NLGN1: variants seen among roughly 807,000 people sequenced by gnomAD.
NLGN1 encodes neuroligin 1.
A neutral mutation model predicts 65.5 loss-of-function variants in NLGN1; 12 were observed. The observed-to-expected ratio is 0.18, with a 90% confidence interval of 0.12 to 0.30. The LOEUF is 0.30. Ranked by LOEUF, NLGN1 falls within the 10% of genes least tolerant of loss-of-function variation. The probability of loss-of-function intolerance (pLI) is 1.00; values close to 1 mark genes in which losing one functional copy is unlikely to be tolerated. For missense variants in NLGN1, 750 were observed against 1,007.1 expected (o/e 0.74, Z 3.46); for synonymous variants, 350 against 359.5 (o/e 0.97, Z 0.30).
intron 4 of NLGN1, among the ~76,000 whole-genome samples, chr3:173,932,309 G>A (rs1320666070): frequency 6.6e-6 from 1 of 151,984 alleles, no homozygotes; most frequent in Non-Finnish European, 1.5e-5. Context: ...TTTTCCTTAA[G>A]TTGCTTCATA....
intron 4 of NLGN1, among the ~76,000 whole-genome samples, chr3:174,034,085 A>T (rs1348077601): frequency 6.6e-6 from 1 of 152,126 alleles, no homozygotes; most frequent in Non-Finnish European, 1.5e-5. Flanking sequence ...CACTTTATGT[A>T]TAGAGGAACA....
chr3:174,139,691 G>T (rs989209224), intron 4 of NLGN1, among the ~76,000 whole-genome samples: 4 of 152,078 alleles, frequency 2.6e-5, no homozygotes, highest in African/African-American at 9.7e-5. Context: ...ACGCCAAAAT[G>T]TCTCCTAAAG....
chr3:173,769,483 T>A (rs1779267531), intron 3 of NLGN1, among the ~76,000 whole-genome samples: 1 of 152,182 alleles, frequency 6.6e-6, no homozygotes, highest in African/African-American at 2.4e-5. Context: ...CTCAGGAATC[T>A]TTCGAACTTT....
At chr3:174,264,844 T>G (rs1295975548) in intron 4 of NLGN1, among the ~76,000 whole-genome samples, 1 of 151,912 alleles carries the variant, frequency 6.6e-6, no homozygotes, top group Non-Finnish European at 1.5e-5. Flanking sequence ...ATGATGGTGA[T>G]GTACAGATGG....
intron 4 of NLGN1, among the ~76,000 whole-genome samples, chr3:174,159,930 A>G (rs1726182858): frequency 6.6e-6 from 1 of 151,784 alleles, no homozygotes; most frequent in Non-Finnish European, 1.5e-5. Context: ...TTAAAGCCAC[A>G]GCAGTATCAT....
At chr3:173,930,839 G>T (rs1025764837) in intron 4 of NLGN1, among the ~76,000 whole-genome samples, 1 of 152,140 alleles carries the variant, frequency 6.6e-6, no homozygotes. Context: ...AGATAGAATT[G>T]TTCAAGAAGT....
intron 4 of NLGN1, among the ~76,000 whole-genome samples, chr3:174,077,203 A>T (rs942557332): frequency 6.6e-5 from 10 of 152,068 alleles, no homozygotes; most frequent in Non-Finnish European, 1.2e-4. Flanking sequence ...AAAAAAACCT[A>T]TTCCCACTTT....
intron 2 of NLGN1, among the ~76,000 whole-genome samples, chr3:173,455,161 G>C (rs1037026535): frequency 6.6e-6 from 1 of 152,148 alleles, no homozygotes; most frequent in Non-Finnish European, 1.5e-5. Context: ...ATAAATACCT[G>C]AGGTTATATA....
At chr3:173,523,945 G>A (rs1157351237) in intron 2 of NLGN1, among the ~76,000 whole-genome samples, 3 of 128,590 alleles carry the variant, frequency 2.3e-5, no homozygotes, top group Non-Finnish European at 4.8e-5. Flanking sequence ...TTTTGAGACA[G>A]AGTCACTCTC....
At chr3:173,396,346 G>C (rs950454250), upstream of NLGN1, 1 of 152,240 alleles carries the variant, frequency 6.6e-6, no homozygotes, top group African/African-American at 2.4e-5. Flanking sequence ...CATTTGGCTT[G>C]CCAAGTTTTG....
intron 2 of NLGN1, among the ~76,000 whole-genome samples, chr3:173,463,923 T>C (rs1723828026): frequency 3.3e-5 from 5 of 152,006 alleles, no homozygotes; most frequent in Admixed American, 3.3e-4. Context: ...TACTTAAAGA[T>C]AAATTGATAC....
intron 3 of NLGN1, among the ~76,000 whole-genome samples, chr3:173,633,519 G>T: frequency 6.6e-6 from 1 of 152,120 alleles, no homozygotes; most frequent in East Asian, 1.9e-4. Flanking sequence ...TAAGTTCCTG[G>T]AAAGAGGAAT....
chr3:174,017,217 A>G (rs530986206), intron 4 of NLGN1, among the ~76,000 whole-genome samples: 1 of 152,270 alleles, frequency 6.6e-6, no homozygotes, highest in Non-Finnish European at 1.5e-5. Flanking sequence ...CATAATATTT[A>G]GCTTGTTTAT....
At chr3:173,880,571 TA>T (rs1303576332) in intron 4 of NLGN1, among the ~76,000 whole-genome samples, 1 of 150,900 alleles carries the variant, frequency 6.6e-6, no homozygotes, top group Non-Finnish European at 1.5e-5. Context: ...TAAGTATGTT[TA>T]AAAATATATA....
At chr3:173,715,768 G>A (rs1214065052) in intron 3 of NLGN1, among the ~76,000 whole-genome samples, 1 of 151,876 alleles carries the variant, frequency 6.6e-6, no homozygotes, top group African/African-American at 2.4e-5. Flanking sequence ...TCATTAGTTG[G>A]CAAGTATAAA....
intron 1 of NLGN1, among the ~76,000 whole-genome samples, chr3:173,429,216 A>G (rs1162729565): frequency 1.3e-5 from 2 of 151,338 alleles, no homozygotes; most frequent in Non-Finnish European, 2.9e-5. Flanking sequence ...CTGACTGTGT[A>G]TTTTCAAACA....
chr3:173,990,844 T>A (rs764191103), intron 4 of NLGN1, among the ~76,000 whole-genome samples: 4 of 152,178 alleles, frequency 2.6e-5, no homozygotes, highest in Non-Finnish European at 5.9e-5. Flanking sequence ...AATATAAAAC[T>A]ACTTGTTAAG....
intron 3 of NLGN1, among the ~76,000 whole-genome samples, chr3:173,642,998 G>A (rs888420098): frequency 4.6e-5 from 7 of 152,172 alleles, no homozygotes; most frequent in African/African-American, 1.7e-4. Context: ...CACATCTGAA[G>A]CTACCTTCTA....
At chr3:173,442,923 T>C (rs1719461474) in intron 2 of NLGN1, among the ~76,000 whole-genome samples, 1 of 152,138 alleles carries the variant, frequency 6.6e-6, no homozygotes, top group South Asian at 2.1e-4. Flanking sequence ...CAGCAGCCTA[T>C]AGTACTAAGT....
Sources: allele counts gnomAD v4.1 joint callset (sites outside exome capture counted in the v4.1 genomes callset), GRCh38; gene constraint gnomAD v4.1.1; transcripts MANE v1.5; gene names NCBI Gene and HGNC (gene_info 2026-07-23, HGNC 2026-07-21).